Variants in CNTNAP2 observed in about 807,000 individuals in gnomAD.
CNTNAP2 encodes contactin-associated protein-like 2.
In CNTNAP2, 98 loss-of-function variants were observed where a neutral mutation model predicts 155.2. The observed-to-expected ratio is 0.63, with a 90% CI of 0.54 to 0.75. The LOEUF (loss-of-function observed/expected upper bound fraction) is 0.75. Among genes scored for constraint, CNTNAP2 ranks in the 30% least tolerant of loss-of-function variants. CNTNAP2 has a pLI of 0.00. For synonymous variants in CNTNAP2, 651 were observed against 631.2 expected (o/e 1.03, Z -0.47); for missense variants, 1,727 against 1,688.1 (o/e 1.02, Z -0.40).
At chr7:148,006,506 A>G (rs918240280) in intron 15 of CNTNAP2, among the ~76,000 whole-genome samples, 11 of 151,382 alleles carry the variant, frequency 7.3e-5, no homozygotes, top group African/African-American at 2.7e-4. Context: ...TTTAGTGGAG[A>G]CAGGATTTCA....
chr7:148,209,159 T>C (rs982166216), intron 18 of CNTNAP2, among the ~76,000 whole-genome samples: 2 of 152,140 alleles, frequency 1.3e-5, no homozygotes, highest in Non-Finnish European at 2.9e-5. Flanking sequence ...AGCATCTCAC[T>C]CTGTTGCCCC....
At chr7:146,892,517 G>C (rs1311002423) in intron 3 of CNTNAP2, among the ~76,000 whole-genome samples, 3 of 152,156 alleles carry the variant, frequency 2.0e-5, no homozygotes, top group African/African-American at 7.2e-5. Context: ...CAAGTCAAGA[G>C]ATAAGAGACA....
intron 5 of CNTNAP2, among the ~76,000 whole-genome samples, chr7:147,120,468 C>A (rs1177288932): frequency 6.6e-6 from 1 of 152,134 alleles, no homozygotes; most frequent in African/African-American, 2.4e-5. Context: ...TATAACAAAC[C>A]TACCAAAATT....
chr7:146,860,954 T>C (rs1410291762), intron 3 of CNTNAP2, among the ~76,000 whole-genome samples: 1 of 152,204 alleles, frequency 6.6e-6, no homozygotes, highest in Non-Finnish European at 1.5e-5. Flanking sequence ...TTATCACTGA[T>C]AGAACACAAA....
At chr7:147,873,019 C>T (rs1422617334) in intron 13 of CNTNAP2, among the ~76,000 whole-genome samples, 2 of 152,060 alleles carry the variant, frequency 1.3e-5, no homozygotes, top group Admixed American at 6.6e-5. Flanking sequence ...AAAGTGCTAA[C>T]AAAAATTTGA....
At chr7:146,157,244 T>C (rs1798140799) in intron 1 of CNTNAP2, among the ~76,000 whole-genome samples, 2 of 152,190 alleles carry the variant, frequency 1.3e-5, no homozygotes, top group South Asian at 4.1e-4. Flanking sequence ...TCTTTATTTC[T>C]GTACTCTTCT....
intron 8 of CNTNAP2, among the ~76,000 whole-genome samples, chr7:147,134,959 G>A (rs1218502670): frequency 2.0e-5 from 3 of 151,810 alleles, no homozygotes; most frequent in South Asian, 4.1e-4. Context: ...ACAAAGTAGT[G>A]CACTGAGAAG....
intron 1 of CNTNAP2, among the ~76,000 whole-genome samples, chr7:146,685,843 G>C (rs1325495761): frequency 5.3e-5 from 8 of 152,068 alleles, no homozygotes; most frequent in Non-Finnish European, 2.9e-5. Context: ...GTTTATAATT[G>C]ATGTATGTGA....
chr7:148,097,057 A>G (rs558361791), intron 15 of CNTNAP2, among the ~76,000 whole-genome samples: 1 of 152,262 alleles, frequency 6.6e-6, no homozygotes, highest in Non-Finnish European at 1.5e-5. Context: ...CAAACTAAAG[A>G]TCAATTGTTC....
intron 10 of CNTNAP2, among the ~76,000 whole-genome samples, chr7:147,402,985 G>A (rs961450878): frequency 2.6e-4 from 38 of 146,208 alleles, no homozygotes; most frequent in African/African-American, 7.7e-4. Context: ...GTTTAGGTCA[G>A]ACATGCCTCA....
At chr7:147,431,873 C>G (rs527994864) in intron 10 of CNTNAP2, among the ~76,000 whole-genome samples, 1 of 152,288 alleles carries the variant, frequency 6.6e-6, no homozygotes, top group East Asian at 1.9e-4. Context: ...AGGCTCTGCA[C>G]TAAGCACTTT....
chr7:147,734,730 C>G (rs922932215), intron 13 of CNTNAP2, among the ~76,000 whole-genome samples: 1 of 152,160 alleles, frequency 6.6e-6, no homozygotes, highest in Non-Finnish European at 1.5e-5. Flanking sequence ...CAACTTCTTC[C>G]TGGTTTAGTC....
At chr7:147,708,402 G>A (rs1796350591) in intron 13 of CNTNAP2, among the ~76,000 whole-genome samples, 1 of 152,148 alleles carries the variant, frequency 6.6e-6, no homozygotes, top group African/African-American at 2.4e-5. Flanking sequence ...ATGTCAATAG[G>A]ACACCAGGGA....
rs927967995 is a variant in CNTNAP2 at position 147,917,613 on chromosome 7, C to T, written c.2255+13892C>T. 2.0e-5 allele frequency among the ~76,000 whole-genome samples: 3 copies of T among 152,158 alleles called. No individual in the cohort carries two copies. The East Asian group carries it at 5.8e-4, about 29-fold the overall frequency. On this transcript the variant is annotated intron_variant, in intron 14 of 23. Transcript: ENST00000361727. Reference sequence around the variant, plus strand: ...CATTGGCTGGAACTTTAGTTAACCACGACTAGCAGCAAAGATGGCTGGGTT... The same window carrying T: ...CATTGGCTGGAACTTTAGTTAACCATGACTAGCAGCAAAGATGGCTGGGTT...
chr7:147,679,819 A>T (rs1452545138), intron 13 of CNTNAP2, among the ~76,000 whole-genome samples: 4 of 151,948 alleles, frequency 2.6e-5, no homozygotes, highest in Non-Finnish European at 1.5e-5. Context: ...TCAGGATCAT[A>T]ATATATAGAT....
chr7:146,639,005 G>T (rs1016151052), intron 1 of CNTNAP2, among the ~76,000 whole-genome samples: 26 of 152,106 alleles, frequency 1.7e-4, no homozygotes, highest in African/African-American at 6.3e-4. Flanking sequence ...GTATTTGTGT[G>T]TCAAAACTTA....
intron 1 of CNTNAP2, among the ~76,000 whole-genome samples, chr7:146,172,439 C>T (rs904734030): frequency 8.6e-5 from 13 of 152,034 alleles, no homozygotes; most frequent in Non-Finnish European, 1.6e-4. Flanking sequence ...ACATACACTG[C>T]GCAGCCACCT....
chr7:147,375,094 A>T (rs1422863788), intron 9 of CNTNAP2, among the ~76,000 whole-genome samples: 1 of 151,818 alleles, frequency 6.6e-6, no homozygotes, highest in East Asian at 1.9e-4. Flanking sequence ...ACCATGTAAG[A>T]CGTGTCTGCT....
At chr7:146,533,887 A>T (rs145227618) in intron 1 of CNTNAP2, among the ~76,000 whole-genome samples, 1 of 152,188 alleles carries the variant, frequency 6.6e-6, no homozygotes, top group Non-Finnish European at 1.5e-5. Flanking sequence ...TTTATTAATT[A>T]TAGATAAAAT....
Sources: allele counts gnomAD v4.1 joint callset (sites outside exome capture counted in the v4.1 genomes callset), GRCh38; gene constraint gnomAD v4.1.1; transcripts MANE v1.5; gene names NCBI Gene and HGNC (gene_info 2026-07-23, HGNC 2026-07-21).